The following MYBL2 variants were observed in gnomAD, a reference collection of about 807,000 sequenced individuals.
MYBL2 encodes the protein MYB proto-oncogene like 2.
A neutral mutation model predicts 79.9 loss-of-function variants in MYBL2; 28 were observed. That is an observed-to-expected ratio of 0.35 (90% CI 0.26 to 0.48). The LOEUF (loss-of-function observed/expected upper bound fraction) is 0.48, where lower values mean the gene tolerates loss of function less well. MYBL2 is among the 20% of genes least tolerant of loss of function. The pLI is 0.99. For missense variants in MYBL2, 735 were observed against 893.9 expected (o/e 0.82, Z 2.27); for synonymous variants, 378 against 361.2 (o/e 1.05, Z -0.53).
intron 5 of MYBL2, among the ~76,000 whole-genome samples, chr20:43,687,282 A>T (rs559206061): frequency 6.6e-6 from 1 of 152,156 alleles, no homozygotes; most frequent in East Asian, 1.9e-4. Flanking sequence ...AAAAGAACAG[A>T]TGGTGATAAG....
At chr20:43,697,424 A>G (rs113120382) in intron 6 of MYBL2, among the ~76,000 whole-genome samples, 2,474 of 151,974 alleles carry the variant, frequency 0.016, 75 homozygotes, top group African/African-American at 0.057. Context: ...AGCCTGGCCA[A>G]TACGGTGAAA....
intron 6 of MYBL2, among the ~76,000 whole-genome samples, chr20:43,699,321 C>T (rs1282293264): frequency 6.6e-6 from 1 of 152,250 alleles, no homozygotes. Flanking sequence ...GTTGGGATTA[C>T]AGGCGTGAGC....
Position 43,716,299 on chromosome 20 carries a change from C to G in MYBL2, c.*212C>G. 1.5e-6 allele frequency: 1 copy of G among 669,492 alleles called. No individual in the cohort carries two copies. The highest frequency in any genetic ancestry group is 2.4e-6 in the Non-Finnish European group (1 of 420,484). The allele number at this position is 669,492 out of a possible 1,614,324, so 41.5% of individuals were successfully genotyped here. ...GGCTCCTGGTGCTAACAACAAAGTT[C>G]CACTTCCAGGTCTGCCTGGTTCCCT... On this transcript the variant is annotated 3_prime_UTR_variant, in exon 14 of 14. Transcript: ENST00000217026.
At position 43,673,113 on chromosome 20, in the gene MYBL2, T is replaced by C. The variant is rs563489515; in HGVS notation, c.21-693T>C. On this transcript the variant is annotated intron_variant, in intron 1 of 13. Coordinates refer to ENST00000217026, the MANE Select transcript of MYBL2 (RefSeq NM_002466.4). ...CATGCGCCACCGCACCCAGCTAATA[T>C]TTGTATTTTTAGTAGAGATGGGGTT... is the stretch of plus-strand genomic sequence containing the variant. Among the ~76,000 whole-genome samples, 32 of 152,074 alleles carry C rather than the reference T, an allele frequency of 2.1e-4. No individual in the cohort carries two copies. The South Asian group carries it at 3.5e-3, about 17-fold the overall frequency.
At chr20:43,675,157 T>A (rs1399344347) in intron 2 of MYBL2, among the ~76,000 whole-genome samples, 1 of 151,870 alleles carries the variant, frequency 6.6e-6, no homozygotes, top group Non-Finnish European at 1.5e-5. Flanking sequence ...TTTTTGTATT[T>A]TTTGTAGAGA....
At position 43,686,979 on chromosome 20, in the gene MYBL2, C is replaced by G. The variant is rs184321466; in HGVS notation, c.407C>G (p.Ser136Cys). ...HNHLNPEVKK[S>C]CWTEEEDRII... is the part of the protein sequence containing the mutation. The stretch of plus-strand genomic sequence containing the variant: ...CACCTCAACCCTGAGGTGAAGAAGT[C>G]TTGCTGGACCGAGGAGGAGGACCGC... Residue 136 changes from serine (S) to cysteine (C), a missense_variant, in exon 5 of 14, where the codon TCT becomes TGT. By Grantham distance (112) the Ser-to-Cys change is moderately radical. Coordinates refer to ENST00000217026, the MANE Select transcript of MYBL2 (RefSeq NM_002466.4). 1 of 1,614,172 alleles carries G rather than the reference C, an allele frequency of 6.2e-7. No individual in the cohort carries two copies. Among genetic ancestry groups the G allele is most frequent in the Non-Finnish European group, 8.5e-7 (1 of 1,180,048 alleles).
At chr20:43,715,857 G>C in intron 13 of MYBL2, 102 bp from the exon 14 acceptor site, 1 of 1,429,750 alleles carries the variant, frequency 7.0e-7, no homozygotes, top group Non-Finnish European at 9.3e-7. Flanking sequence ...GGCTTCTAGG[G>C]GAGGGAGGCT....
Position 43,670,109 on chromosome 20 carries a change from TAAAC to T in MYBL2, c.20+2824_20+2827del, listed in dbSNP as rs368571609. On this transcript the variant is annotated intron_variant, in intron 1 of 13. Coordinates refer to ENST00000217026, the MANE Select transcript of MYBL2 (RefSeq NM_002466.4). ...GACAAAGCGAGACTCTATCTCAAAA[TAAAC>T]AAACAAACAAACAAACAGCATTGGA... Among the ~76,000 whole-genome samples the T allele has an allele frequency of 4.5e-3, 679 of 152,100 alleles. 8 individuals carry two copies. Among genetic ancestry groups the T allele is most frequent in the African/African-American group, 0.015 (609 of 41,474 alleles).
At chr20:43,678,452 A>T (rs826953) in intron 2 of MYBL2, among the ~76,000 whole-genome samples, 124,695 of 152,092 alleles carry the variant, frequency 0.82, 51,611 homozygotes, top group Non-Finnish European at 0.88. Flanking sequence ...TGGTTTTTGG[A>T]TTGTTTTTTC....
At chr20:43,684,372 G>T (rs1360883760) in intron 4 of MYBL2, among the ~76,000 whole-genome samples, 3 of 151,862 alleles carry the variant, frequency 2.0e-5, no homozygotes, top group African/African-American at 7.3e-5. Flanking sequence ...GAGGAGCTGG[G>T]ATTACAGGCG....
rs1987701625 is a variant in MYBL2 at position 43,702,743 on chromosome 20, G to C, written c.1205G>C (p.Gly402Ala). 2.5e-6 allele frequency: 4 copies of C among 1,614,144 alleles called. No individual in the cohort carries two copies. The highest frequency in any genetic ancestry group is 3.4e-6 in the Non-Finnish European group (4 of 1,180,026). The change falls in exon 8 of 14, where the codon GGC becomes GCC. Residue 402 changes from glycine (G) to alanine (A), a missense_variant. Gly to Ala is a moderately conservative substitution (Grantham distance 60, BLOSUM62 0). Coordinates refer to ENST00000217026, the MANE Select transcript of MYBL2 (RefSeq NM_002466.4). The part of the protein sequence containing the change: ...ISPSTEVGGS[G>A]IGTPPSVLKR... ...CCCAGCACTGAAGTCGGGGGCTCTGGCATTGGCACACCGCCCTCTGTGCTC... is the reference window on the plus strand; with the variant it reads ...CCCAGCACTGAAGTCGGGGGCTCTGCCATTGGCACACCGCCCTCTGTGCTC...
intron 2 of MYBL2, among the ~76,000 whole-genome samples, chr20:43,680,489 T>C (rs1403718428): frequency 3.3e-5 from 5 of 152,202 alleles, no homozygotes; most frequent in Non-Finnish European, 5.9e-5. Context: ...CATGACATTT[T>C]CTTTCTTTTT....
At chr20:43,683,851 G>T (rs1987204605) in intron 4 of MYBL2, among the ~76,000 whole-genome samples, 1 of 151,938 alleles carries the variant, frequency 6.6e-6, no homozygotes, top group Non-Finnish European at 1.5e-5. Flanking sequence ...ACCGTGCCTG[G>T]CCTGGAACTA....
chr20:43,708,242 G>A (rs1987832767), intron 9 of MYBL2, among the ~76,000 whole-genome samples: 1 of 152,006 alleles, frequency 6.6e-6, no homozygotes, highest in Admixed American at 6.6e-5. Context: ...TGAGAACACA[G>A]GTGTGCACCA....
Position 43,687,203 on chromosome 20 carries a change from G to T in MYBL2, c.500+131G>T, listed in dbSNP as rs372802700. On this transcript the variant is annotated intron_variant, in intron 5 of 13. Coordinates refer to ENST00000217026, the MANE Select transcript of MYBL2 (RefSeq NM_002466.4). Reference sequence around the variant, plus strand: ...TGTAACACCCAGCCTCGGCTCCAGGGCTCCCAGAGGCATGCATAGTCAGGA... The same window carrying T: ...TGTAACACCCAGCCTCGGCTCCAGGTCTCCCAGAGGCATGCATAGTCAGGA... 55 of 896,576 alleles carry T rather than the reference G, an allele frequency of 6.1e-5. 1 individual carries two copies. In the East Asian group the frequency reaches 8.8e-4, roughly 14 times the overall value. 55.5% of individuals were successfully genotyped at this position (896,576 alleles called of 1,614,324 possible). A position where few individuals can be genotyped will look rare whatever the true frequency, so the allele number is the denominator to read the frequency against.
chr20:43,702,113 C>G (rs1463727092), intron 7 of MYBL2, among the ~76,000 whole-genome samples: 1 of 151,926 alleles, frequency 6.6e-6, no homozygotes. Context: ...GGCGACAGAG[C>G]AAGTCTCTGT....
Position 43,711,575 on chromosome 20 carries a change from C to A in MYBL2, c.1693C>A (p.Pro565Thr). 1 of 1,613,414 alleles carries A rather than the reference C, an allele frequency of 6.2e-7. No individual in the cohort carries two copies. The highest frequency in any genetic ancestry group is 8.5e-7 in the Non-Finnish European group (1 of 1,179,700). Residue 565 changes from proline to threonine, a missense_variant, in exon 11 of 14, where the codon CCC becomes ACC. By Grantham distance (38) the Pro-to-Thr change is conservative (BLOSUM62 -1). This residue lies in a region of MYBL2 where 204 missense variants were observed against 202.9 expected (regional missense o/e 1.01). Transcript: ENST00000217026. ...ACTCATCATCGAGGACGACATCAGG[C>A]CCGAGAAGCAGAAGAGGAAGCCTGG... ...IELIIEDDIR[P>T]EKQKRKPGLR...
intron 4 of MYBL2, among the ~76,000 whole-genome samples, chr20:43,683,714 T>G (rs1987201320): frequency 6.6e-6 from 1 of 151,684 alleles, no homozygotes; most frequent in South Asian, 2.1e-4. Context: ...CTACCACACC[T>G]GGCTAATTTT....
chr20:43,678,875 GAAAA>G (rs1328706589), intron 2 of MYBL2, among the ~76,000 whole-genome samples: 1 of 22,730 alleles, frequency 4.4e-5, no homozygotes, highest in Admixed American at 5.1e-4. Context: ...AAAAAAAAAA[GAAAA>G]AAACATATAG....
Sources: allele counts gnomAD v4.1 joint callset (sites outside exome capture counted in the v4.1 genomes callset), GRCh38; gene constraint gnomAD v4.1.1; regional missense constraint gnomAD v4.1.1; transcripts MANE v1.5; gene names NCBI Gene and HGNC (gene_info 2026-07-23, HGNC 2026-07-21).